NAALADL2: variants seen among roughly 807,000 people sequenced by gnomAD.
NAALADL2 encodes inactive N-acetylated-alpha-linked acidic dipeptidase-like protein 2.
A neutral mutation model predicts 87.2 loss-of-function variants in NAALADL2; 76 were observed. The observed-to-expected ratio is 0.87, with a 90% confidence interval of 0.72 to 1.05. The LOEUF (loss-of-function observed/expected upper bound fraction) is 1.05. NAALADL2 is among the 50% of genes least tolerant of loss of function. The probability of loss-of-function intolerance (pLI) is 0.00; values close to 1 mark genes in which losing one functional copy is unlikely to be tolerated. For missense variants in NAALADL2, 1,089 were observed against 945.8 expected (o/e 1.15, Z -1.99); for synonymous variants, 354 against 331.0 (o/e 1.07, Z -0.75).
In NAALADL2 at chr3:175,683,351, A is replaced by G. The variant is rs113419215; in HGVS notation, c.1897-53955A>G. On this transcript the variant is annotated intron_variant, in intron 11 of 13. Transcript: ENST00000454872. ...GGTAAAGATGTTCTTTAACTTAAAGATTCAGTTTAAAAATTAAGGTTGTGA... is the reference window on the plus strand; with the variant it reads ...GGTAAAGATGTTCTTTAACTTAAAGGTTCAGTTTAAAAATTAAGGTTGTGA... Among the ~76,000 whole-genome samples, 1,201 of 152,052 alleles carry G rather than the reference A, an allele frequency of 7.9e-3. 18 individuals are homozygous for G. Among genetic ancestry groups the G allele is most frequent in the African/African-American group, 0.027 (1,131 of 41,528 alleles).
intron 9 of NAALADL2, among the ~76,000 whole-genome samples, chr3:175,541,805 C>T (rs985844894): frequency 6.6e-6 from 1 of 152,158 alleles, no homozygotes; most frequent in African/African-American, 2.4e-5. Flanking sequence ...TCACTGCAAC[C>T]TTTGCCTCCC....
intron 8 of NAALADL2, among the ~76,000 whole-genome samples, chr3:175,470,052 T>C (rs2149288046): frequency 6.6e-6 from 1 of 152,262 alleles, no homozygotes; most frequent in East Asian, 1.9e-4. Context: ...AGTGAAAGCA[T>C]GCAGTATTTA....
chr3:174,924,486 A>T (rs7644668), intron 1 of NAALADL2, among the ~76,000 whole-genome samples: 29,989 of 151,848 alleles, frequency 0.2, 3,106 homozygotes, highest in East Asian at 0.34. Flanking sequence ...GTTGGTTCCA[A>T]GTCTTTGCTA....
chr3:175,207,319 G>A (rs1560165685), intron 2 of NAALADL2, among the ~76,000 whole-genome samples: 1 of 151,910 alleles, frequency 6.6e-6, no homozygotes, highest in Admixed American at 6.6e-5. Context: ...ATAAAATAGT[G>A]TGAATTTTTA....
intron 10 of NAALADL2, among the ~76,000 whole-genome samples, chr3:175,610,048 A>G (rs1724399992): frequency 6.6e-6 from 1 of 152,196 alleles, no homozygotes; most frequent in African/African-American, 2.4e-5. Context: ...TATCAATTCT[A>G]AATTTAAAAT....
At chr3:174,881,399 A>C (rs1201334038) in intron 1 of NAALADL2, among the ~76,000 whole-genome samples, 1 of 152,100 alleles carries the variant, frequency 6.6e-6, no homozygotes, top group East Asian at 1.9e-4. Flanking sequence ...ATTACACAAT[A>C]GCCTCAATAG....
At chr3:174,921,166 T>A (rs538910355) in intron 1 of NAALADL2, among the ~76,000 whole-genome samples, 53 of 152,310 alleles carry the variant, frequency 3.5e-4, no homozygotes, top group Middle Eastern at 3.4e-3. Flanking sequence ...ACTGATAGAA[T>A]TGCTTGATGC....
chr3:174,869,561 A>G (rs571732693), intron 1 of NAALADL2, among the ~76,000 whole-genome samples: 13 of 152,226 alleles, frequency 8.5e-5, no homozygotes, highest in African/African-American at 3.1e-4. Flanking sequence ...TCGGTAATGG[A>G]GCTCTTCCCA....
Position 175,808,156 on chromosome 3 carries a change from A to C in NAALADL2, c.*4953A>C, listed in dbSNP as rs1396623353. On this transcript the variant is annotated 3_prime_UTR_variant, in exon 14 of 14. Transcript: ENST00000454872. ...ATATACACACTGAAGTGCCTTTAGC[A>C]GACCTGGGACCGTCAAGAATCTTGT... is the stretch of plus-strand genomic sequence containing the variant. 1 of 151,934 alleles carries C rather than the reference A, an allele frequency of 6.6e-6. No homozygotes were observed. The highest frequency in any genetic ancestry group is 1.5e-5 in the Non-Finnish European group (1 of 67,906). The allele number at this position is 151,934 out of a possible 1,614,324, so 9.4% of individuals were successfully genotyped here. A position where few individuals can be genotyped will look rare whatever the true frequency, so the allele number is the denominator to read the frequency against.
intron 5 of NAALADL2, among the ~76,000 whole-genome samples, chr3:175,412,248 A>G (rs577078010): frequency 6.6e-6 from 1 of 152,308 alleles, no homozygotes; most frequent in Admixed American, 6.5e-5. Context: ...CACAAAAGAT[A>G]GATTATGTAT....
intron 13 of NAALADL2, among the ~76,000 whole-genome samples, chr3:175,787,700 C>A (rs1752250968): frequency 6.6e-6 from 1 of 152,124 alleles, no homozygotes; most frequent in African/African-American, 2.4e-5. Flanking sequence ...GAGCTGTAGA[C>A]CGGAGCTGTT....
At chr3:175,003,363 A>T (rs1487982856) in intron 1 of NAALADL2, among the ~76,000 whole-genome samples, 1 of 152,186 alleles carries the variant, frequency 6.6e-6, no homozygotes, top group Non-Finnish European at 1.5e-5. Context: ...ACAAAAAACA[A>T]CAAAAAAGTA....
At chr3:175,215,140 AG>A (rs1742326089) in intron 2 of NAALADL2, among the ~76,000 whole-genome samples, 1 of 152,118 alleles carries the variant, frequency 6.6e-6, no homozygotes, top group Non-Finnish European at 1.5e-5. Context: ...GGGTGATATG[AG>A]AGTTTCTAGT....
intron 3 of NAALADL2, among the ~76,000 whole-genome samples, chr3:174,786,302 T>G (rs1252559937): frequency 1.3e-5 from 2 of 151,680 alleles, no homozygotes; most frequent in East Asian, 3.9e-4. Context: ...TACCAAAAAA[T>G]TAGCCGGGTG....
chr3:175,051,960 G>GAC (rs953964083), intron 1 of NAALADL2, among the ~76,000 whole-genome samples: 2 of 152,160 alleles, frequency 1.3e-5, no homozygotes, highest in East Asian at 3.9e-4. Context: ...AGGAATTAAA[G>GAC]ACACACACAC....
intron 5 of NAALADL2, among the ~76,000 whole-genome samples, chr3:175,367,193 G>A (rs904819177): frequency 2.6e-5 from 4 of 151,468 alleles, no homozygotes; most frequent in Non-Finnish European, 4.4e-5. Flanking sequence ...TATTTCTGAG[G>A]GCTCTATTCT....
At chr3:175,661,681 A>G (rs1250167537) in intron 11 of NAALADL2, among the ~76,000 whole-genome samples, 5 of 152,024 alleles carry the variant, frequency 3.3e-5, no homozygotes, top group African/African-American at 1.2e-4. Flanking sequence ...ATATGGTGAC[A>G]GAGGAGTCTG....
chr3:174,829,275 C>T (rs369017879), intron 3 of NAALADL2, among the ~76,000 whole-genome samples: 2 of 150,476 alleles, frequency 1.3e-5, no homozygotes, highest in East Asian at 3.9e-4. Flanking sequence ...ATCCCCCCAC[C>T]CCACAACAGT....
intron 1 of NAALADL2, among the ~76,000 whole-genome samples, chr3:174,544,009 CAAA>C (rs5854580): frequency 5.2e-5 from 7 of 134,832 alleles, no homozygotes; most frequent in Non-Finnish European, 3.2e-5. Flanking sequence ...ACTCTGTCTC[CAAA>C]AAAAAAAAAA....
Sources: allele counts gnomAD v4.1 joint callset (sites outside exome capture counted in the v4.1 genomes callset), GRCh38; gene constraint gnomAD v4.1.1; transcripts MANE v1.5; gene names NCBI Gene and HGNC (gene_info 2026-07-23, HGNC 2026-07-21).